SMAP2: variants seen among roughly 807,000 people sequenced by gnomAD.
SMAP2 encodes stromal membrane-associated protein 2.
Under a neutral mutation model 56.4 loss-of-function variants are expected in SMAP2, and 25 were observed. That is an observed-to-expected ratio of 0.44 (90% CI 0.32 to 0.62). The LOEUF is 0.62. Among genes scored for constraint, SMAP2 ranks in the 20% least tolerant of loss-of-function variants. The probability of loss-of-function intolerance (pLI) is 0.04; values close to 1 mark genes in which losing one functional copy is unlikely to be tolerated. For missense variants in SMAP2, 388 were observed against 545.6 expected, an observed-to-expected ratio of 0.71 and a Z score of 2.88; for synonymous variants, 157 against 181.7, an observed-to-expected ratio of 0.86 and a Z score of 1.09.
At chr1:40,380,546 T>TC (rs1644587871) in intron 1 of SMAP2, among the ~76,000 whole-genome samples, 4 of 151,756 alleles carry the variant, frequency 2.6e-5, no homozygotes, top group South Asian at 4.2e-4. Context: ...TTTTTCTCTT[T>TC]TGAGATGGAG....
At chr1:40,358,629 T>A (rs566280868) in intron 1 of SMAP2, among the ~76,000 whole-genome samples, 58 of 152,252 alleles carry the variant, frequency 3.8e-4, no homozygotes, top group African/African-American at 1.3e-3. Context: ...TTTAAAGACT[T>A]ATTTTATGGC....
intron 1 of SMAP2, among the ~76,000 whole-genome samples, chr1:40,399,772 T>TAA (rs35117696): frequency 6.6e-6 from 1 of 150,620 alleles, no homozygotes; most frequent in Non-Finnish European, 1.5e-5. Context: ...TCATAACCTT[T>TAA]AAAAAAAAAG....
chr1:40,398,304 T>C (rs913820795), intron 1 of SMAP2, among the ~76,000 whole-genome samples: 1 of 140,918 alleles, frequency 7.1e-6, no homozygotes, highest in East Asian at 2.1e-4. Context: ...TCATAGCTCA[T>C]TGCAGCCTTT....
In SMAP2 at chr1:40,406,831, T is replaced by G; in HGVS notation, c.199T>G (p.Ser67Ala). The G allele has an allele frequency of 1.2e-6, 2 of 1,613,994 alleles. No individual in the cohort carries two copies. Among genetic ancestry groups the G allele is most frequent in the Non-Finnish European group, 1.7e-6 (2 of 1,179,918 alleles). Reference sequence around the variant, plus strand: ...GGGGGTGCACATATCCAGGGTAAAGTCAGTTAACCTCGACCAGTGGACTCA... The same window carrying G: ...GGGGGTGCACATATCCAGGGTAAAGGCAGTTAACCTCGACCAGTGGACTCA... The part of the protein sequence containing the change: ...NLGVHISRVK[S>A]VNLDQWTQEQ... The change falls in exon 2 of 10, where the codon TCA (serine) becomes GCA (alanine). Residue 67 changes from serine (S) to alanine (A), a missense_variant. Transcript: ENST00000372718.
At chr1:40,382,212 G>GTCAT (rs941907345) in intron 1 of SMAP2, among the ~76,000 whole-genome samples, 66 of 152,272 alleles carry the variant, frequency 4.3e-4, no homozygotes, top group African/African-American at 1.4e-3. Flanking sequence ...CATCACATGA[G>GTCAT]TCATTGTCTG....
chr1:40,406,876 AG>A lies in SMAP2; in HGVS notation c.237+8del, dbSNP rs752131594. The A allele has an allele frequency of 3.2e-5, 52 of 1,606,356 alleles. No individual in the cohort carries two copies. Among genetic ancestry groups the A allele is most frequent in the Non-Finnish European group, 4.3e-5 (51 of 1,174,848 alleles). On this transcript the variant is annotated splice_region_variant and intron_variant, in intron 2 of 9. Coordinates refer to ENST00000372718, the MANE Select transcript of SMAP2 (RefSeq NM_022733.3). ...GACTCAAGAACAGATTCAGGTACTTAGCCCAAGAGTGAGTCAGCTGCTTCCA... is the reference window on the plus strand; with the variant it reads ...GACTCAAGAACAGATTCAGGTACTTACCCAAGAGTGAGTCAGCTGCTTCCA...
chr1:40,403,916 T>C (rs2935893), intron 1 of SMAP2, among the ~76,000 whole-genome samples: 1,802 of 152,124 alleles, frequency 0.012, 35 homozygotes, highest in African/African-American at 0.041. Context: ...CTAAGCAACA[T>C]AGGGAGACCT....
At chr1:40,381,541 T>TTG (rs150281874) in intron 1 of SMAP2, among the ~76,000 whole-genome samples, 26 of 151,330 alleles carry the variant, frequency 1.7e-4, no homozygotes, top group South Asian at 6.3e-4. Context: ...GTGCACTGTT[T>TTG]TGTGTGTGTG....
intron 1 of SMAP2, among the ~76,000 whole-genome samples, chr1:40,390,559 G>A (rs954985503): frequency 6.6e-6 from 1 of 152,202 alleles, no homozygotes; most frequent in Non-Finnish European, 1.5e-5. Context: ...TGAGGAAGGG[G>A]AGTGTGGATG....
At chr1:40,406,596 G>A in intron 1 of SMAP2, 140 bp from the exon 2 acceptor site, 1 of 844,860 alleles carries the variant, frequency 1.2e-6, no homozygotes, top group South Asian at 1.9e-5. Flanking sequence ...ATGGAGGAAT[G>A]AGCAGAGTCA....
At chr1:40,375,788 C>T (rs1051199344) in intron 1 of SMAP2, 1 of 982,972 alleles carries the variant, frequency 1.0e-6, no homozygotes, top group African/African-American at 1.8e-5. Flanking sequence ...GTGAGCATTG[C>T]TGCATTTGGA....
intron 7 of SMAP2, 28 bp from the exon 8 acceptor site, chr1:40,416,148 A>G (rs1569923284): frequency 1.2e-6 from 2 of 1,602,878 alleles, no homozygotes; most frequent in Non-Finnish European, 1.7e-6. Context: ...AACCATTTCA[A>G]TTCTCCCCCC....
At chr1:40,416,618 A>G (rs754715345) in intron 8 of SMAP2, among the ~76,000 whole-genome samples, 162 bp from the exon 9 acceptor site, 2 of 152,216 alleles carry the variant, frequency 1.3e-5, no homozygotes, top group Non-Finnish European at 2.9e-5. Context: ...TTGGTAAGCT[A>G]TAGCAGGCCT....
intron 1 of SMAP2, among the ~76,000 whole-genome samples, chr1:40,378,164 ACCCAGG>A: frequency 6.6e-6 from 1 of 152,042 alleles, no homozygotes; most frequent in South Asian, 2.1e-4. Context: ...TTGCTCTGCC[ACCCAGG>A]CTGGAGTGCA....
chr1:40,421,369 G>A (rs999793853), intron 9 of SMAP2, among the ~76,000 whole-genome samples: 4 of 151,822 alleles, frequency 2.6e-5, no homozygotes, highest in Admixed American at 2.0e-4. Flanking sequence ...AAGGACCCCC[G>A]CCCCATCCTG....
chr1:40,414,351 A>C, intron 6 of SMAP2, 111 bp downstream of exon 6: 1 of 938,536 alleles, frequency 1.1e-6, no homozygotes, highest in African/African-American at 1.6e-5. Context: ...CATTGCCAAG[A>C]CTGTTCTCTC....
chr1:40,372,316 T>C (rs1252226862), upstream of SMAP2, among the ~76,000 whole-genome samples: 1 of 152,024 alleles, frequency 6.6e-6, no homozygotes, highest in Non-Finnish European at 1.5e-5. Context: ...CGGGGTACAT[T>C]GGGGGTTGGA....
chr1:40,374,369 G>C lies in SMAP2; in HGVS notation c.103+146G>C, dbSNP rs186635068. Reference sequence around the variant, plus strand: ...TGCTGCGCTTGCAGTGAGCCTACTGGGCTTTCTGCAGCTGGGGGATTGGTA... The same window carrying C: ...TGCTGCGCTTGCAGTGAGCCTACTGCGCTTTCTGCAGCTGGGGGATTGGTA... On this transcript the variant is annotated intron_variant, in intron 1 of 9. Coordinates refer to ENST00000372718, the MANE Select transcript of SMAP2 (RefSeq NM_022733.3). The surrounding 1 kb of genome is among the most constrained non-coding windows in gnomAD (Gnocchi z 5.9). 1 of 741,028 alleles carries C rather than the reference G, an allele frequency of 1.3e-6. No individual in the cohort carries two copies. The highest frequency in any genetic ancestry group is 2.4e-6 in the Non-Finnish European group (1 of 424,588). 45.9% of individuals were successfully genotyped at this position (741,028 alleles called of 1,614,324 possible). A position where few individuals can be genotyped will look rare whatever the true frequency, so the allele number is the denominator to read the frequency against.
rs563340941 is a variant in SMAP2, at chr1:40,415,457, G to A, written c.681+76G>A. 5.7e-5 allele frequency: 55 copies of A among 966,506 alleles called. No individual in the cohort carries two copies. In the East Asian group the frequency reaches 6.7e-4, roughly 12 times the overall value. 59.9% of individuals were successfully genotyped at this position (966,506 alleles called of 1,614,324 possible). On this transcript the variant is annotated intron_variant, in intron 7 of 9. Transcript: ENST00000372718. ...TTTGATATCTTAATCATGGAACCAC[G>A]TCATGCTTCCTTGGTGGAGTTGGAC...
Sources: allele counts gnomAD v4.1 joint callset (sites outside exome capture counted in the v4.1 genomes callset), GRCh38; gene constraint gnomAD v4.1.1; non-coding constraint Gnocchi (gnomAD v3.1); transcripts MANE v1.5; gene names NCBI Gene and HGNC (gene_info 2026-07-23, HGNC 2026-07-21).